Variants in TMEM231 observed in about 807,000 individuals in gnomAD.
TMEM231 encodes transmembrane protein 231.
In TMEM231, 40 loss-of-function variants were observed where a neutral mutation model predicts 38.5. That is an observed-to-expected ratio of 1.04 (90% CI 0.81 to 1.35). TMEM231 has a LOEUF of 1.35. Ranked by LOEUF, TMEM231 falls within the 40% of genes most tolerant of loss-of-function variation. TMEM231 has a pLI of 0.00. For synonymous variants in TMEM231, 199 were observed against 181.7 expected, an observed-to-expected ratio of 1.10 and a Z score of -0.77; for missense variants, 420 against 416.9, an observed-to-expected ratio of 1.01 and a Z score of -0.07.
intron 5 of TMEM231, chr16:75,542,038 T>C (rs2080633338): frequency 6.4e-6 from 1 of 156,328 alleles, no homozygotes; most frequent in African/African-American, 2.4e-5. Flanking sequence ...GATGTCTGCT[T>C]GCCAAGTAAC....
chr16:75,555,706 C>G (rs2080801991), intron 2 of TMEM231, 98 bp downstream of exon 2: 1 of 1,289,984 alleles, frequency 7.8e-7, no homozygotes, highest in Admixed American at 3.2e-5. Context: ...CAAAGCTGGG[C>G]TCCCCAGGGC....
At position 75,555,595 on chromosome 16, in the gene TMEM231, G is replaced by A. The variant is rs897156867; in HGVS notation, c.309+209C>T. On this transcript the variant is annotated intron_variant, in intron 2 of 6. Transcript: ENST00000258173. ...GCTGACAGCATGGCTAACTTTCTGGGGGCCGGGGACATCTGGGAGAAGCAG... is the reference window on the plus strand; with the variant it reads ...GCTGACAGCATGGCTAACTTTCTGGAGGCCGGGGACATCTGGGAGAAGCAG... The A allele has an allele frequency of 1.3e-4, 67 of 511,832 alleles. No homozygotes were observed. In the Middle Eastern group the frequency reaches 3.1e-3, roughly 24 times the overall value. The allele number at this position is 511,832 out of a possible 1,614,324, so 31.7% of individuals were successfully genotyped here. A position where few individuals can be genotyped will look rare whatever the true frequency, so the allele number is the denominator to read the frequency against.
intron 2 of TMEM231, among the ~76,000 whole-genome samples, chr16:75,551,483 C>T (rs1403837404): frequency 1.3e-5 from 2 of 152,166 alleles, no homozygotes; most frequent in Non-Finnish European, 2.9e-5. Flanking sequence ...AGTGCTCAGC[C>T]TTGTATTTCA....
intron 2 of TMEM231, among the ~76,000 whole-genome samples, chr16:75,553,549 A>C (rs1405411543): frequency 6.6e-6 from 1 of 150,940 alleles, no homozygotes; most frequent in Non-Finnish European, 1.5e-5. Flanking sequence ...TTGAACCCAG[A>C]AGGCAGAGGT....
chr16:75,542,376 A>G (rs2080637016), intron 5 of TMEM231, among the ~76,000 whole-genome samples: 1 of 151,892 alleles, frequency 6.6e-6, no homozygotes, highest in African/African-American at 2.4e-5. Context: ...GCATTTAACC[A>G]TCACTAGCCT....
chr16:75,544,442 T>G (rs1185481529), intron 4 of TMEM231, among the ~76,000 whole-genome samples: 1 of 151,870 alleles, frequency 6.6e-6, no homozygotes, highest in Non-Finnish European at 1.5e-5. Context: ...GGCAGCTGCT[T>G]CTTGGGTTTG....
Position 75,537,017 on chromosome 16 carries a change from G to C in TMEM231, c.*2977C>G, listed in dbSNP as rs1175717276. 1 of 151,684 alleles carries C rather than the reference G, an allele frequency of 6.6e-6. No individual in the cohort carries two copies. The highest frequency in any genetic ancestry group is 1.5e-5 in the Non-Finnish European group (1 of 67,976). 9.4% of individuals were successfully genotyped at this position (151,684 alleles called of 1,614,324 possible). A position where few individuals can be genotyped will look rare whatever the true frequency, so the allele number is the denominator to read the frequency against. The stretch of plus-strand genomic sequence containing the variant: ...GGCACCCGTAATCCCAGCTACTCGG[G>C]AGGGTAAGGCAGGAGAATCACTTGA... On this transcript the variant is annotated 3_prime_UTR_variant, in exon 7 of 7. Coordinates refer to ENST00000258173, the MANE Select transcript of TMEM231 (RefSeq NM_001077418.3).
intron 5 of TMEM231, chr16:75,542,062 T>A (rs2080633671): frequency 1.3e-5 from 2 of 157,932 alleles, no homozygotes; most frequent in African/African-American, 4.8e-5. Context: ...GTAGATGCTT[T>A]TAGAGAAAAC....
chr16:75,545,406 C>G lies in TMEM231; in HGVS notation c.528G>C (p.Leu176=), dbSNP rs2080676868. ...PGSQLYVNGD[L]RLQQKQPLSC... ...TCAGCGGCTGCTTCTGCTGCAGCCT[C>G]AGGTCTCCGTTCACGTATAACTGGG... The change falls in exon 4 of 7, where the codon CTG becomes CTC. Residue 176 remains leucine (L), a synonymous_variant. Transcript: ENST00000258173. 2 of 1,612,134 alleles carry G rather than the reference C, an allele frequency of 1.2e-6. No individual in the cohort carries two copies. Among genetic ancestry groups the G allele is most frequent in the Non-Finnish European group, 1.7e-6 (2 of 1,179,130 alleles).
Position 75,556,214 on chromosome 16 carries a change from A to G in TMEM231, c.-5T>C. ...GAAGAGCTCATAGAGCGCCATGAGC[A>G]CCGCTCGCAGGCACTCCGCGAGCCG... On this transcript the variant is annotated 5_prime_UTR_variant, in exon 1 of 7. Transcript: ENST00000258173. 1 of 1,424,626 alleles carries G rather than the reference A, an allele frequency of 7.0e-7. No individual in the cohort carries two copies. Among genetic ancestry groups the G allele is most frequent in the Non-Finnish European group, 9.1e-7 (1 of 1,096,164 alleles). 88.2% of individuals were successfully genotyped at this position (1,424,626 alleles called of 1,614,324 possible).
rs762755463 is a variant in TMEM231, at chr16:75,542,635, T to A, written c.631A>T (p.Thr211Ser). The part of the protein sequence containing the change: ...TSPFAYDYDL[T>S]HIVAAYQERN... ...TCCTGGTAGGCAGCAACAATATGGG[T>A]GAGGTCGTAGTCATAGGCAAAGGGG... is the stretch of plus-strand genomic sequence containing the variant. The change falls in exon 5 of 7, where the codon ACC becomes TCC. Residue 211 changes from threonine to serine, a missense_variant. Coordinates refer to ENST00000258173, the MANE Select transcript of TMEM231 (RefSeq NM_001077418.3). 1.1e-5 allele frequency: 18 copies of A among 1,613,796 alleles called. No individual in the cohort carries two copies. The South Asian group carries it at 1.9e-4, about 17-fold the overall frequency.
At chr16:75,549,395 A>G (rs1008520845) in intron 2 of TMEM231, among the ~76,000 whole-genome samples, 17 of 152,226 alleles carry the variant, frequency 1.1e-4, no homozygotes, top group Non-Finnish European at 1.5e-5. Context: ...CAACGTATAT[A>G]CAGGCTTTGG....
intron 5 of TMEM231, chr16:75,541,734 G>A (rs139469720): frequency 1.2e-4 from 26 of 221,006 alleles, no homozygotes; most frequent in African/African-American, 5.7e-4. Flanking sequence ...ACTAAAAGTA[G>A]TATCACAGCT....
chr16:75,554,082 G>A (rs1276538165), intron 2 of TMEM231, among the ~76,000 whole-genome samples: 1 of 152,094 alleles, frequency 6.6e-6, no homozygotes, highest in Non-Finnish European at 1.5e-5. Context: ...TTAAGACTAT[G>A]TCAATCCTAT....
intron 1 of TMEM231, 25 bp from the exon 2 acceptor site, chr16:75,555,998 G>C: frequency 6.3e-7 from 1 of 1,589,390 alleles, no homozygotes; most frequent in Non-Finnish European, 8.6e-7. Context: ...GCGGTAGGGA[G>C]GCGGTTAGGG....
At position 75,556,001 on chromosome 16, in the gene TMEM231, G is replaced by C. The variant is rs375353411; in HGVS notation, c.140-28C>G. On this transcript the variant is annotated intron_variant, in intron 1 of 6. Coordinates refer to ENST00000258173, the MANE Select transcript of TMEM231 (RefSeq NM_001077418.3). ...GAGTTAAAGAGGGCGGTAGGGAGGCGGTTAGGGAGGCCGGCCCTGGCCGAG... is the reference window on the plus strand; with the variant it reads ...GAGTTAAAGAGGGCGGTAGGGAGGCCGTTAGGGAGGCCGGCCCTGGCCGAG... 1.1e-3 allele frequency: 1,687 copies of C among 1,586,852 alleles called. 20 individuals carry two copies. The South Asian group carries it at 0.013, about 12-fold the overall frequency.
At chr16:75,555,622 A>G (rs1306052744) in intron 2 of TMEM231, 182 bp downstream of exon 2, 24 of 572,944 alleles carry the variant, frequency 4.2e-5, no homozygotes, top group Non-Finnish European at 6.6e-5. Context: ...GAGAAGCAGA[A>G]TGAAACAGAA....
At chr16:75,546,780 G>A (rs565613956) in intron 2 of TMEM231, among the ~76,000 whole-genome samples, 1 of 152,298 alleles carries the variant, frequency 6.6e-6, no homozygotes, top group African/African-American at 2.4e-5. Context: ...AACCACGAGT[G>A]TCTTTGCTTC....
Position 75,536,931 on chromosome 16 carries a change from G to A in TMEM231, c.*3063C>T, listed in dbSNP as rs536815933. 1.6e-4 allele frequency: 25 copies of A among 152,298 alleles called. No homozygotes were observed. The highest frequency in any genetic ancestry group is 5.3e-4 in the African/African-American group (22 of 41,548). 9.4% of individuals were successfully genotyped at this position (152,298 alleles called of 1,614,324 possible). ...GAGGTCAGGAGTTCGAGACCAGCCT[G>A]ACCACCAGGGTGAAGCCCTGTCTCT... On this transcript the variant is annotated 3_prime_UTR_variant, in exon 7 of 7. Transcript: ENST00000258173.
Sources: allele counts gnomAD v4.1 joint callset (sites outside exome capture counted in the v4.1 genomes callset), GRCh38; gene constraint gnomAD v4.1.1; transcripts MANE v1.5; gene names NCBI Gene and HGNC (gene_info 2026-07-23, HGNC 2026-07-21).